Variants in SACM1L observed in about 807,000 individuals in gnomAD.
SACM1L encodes phosphatidylinositol-3-phosphatase SAC1.
Under a neutral mutation model 89.5 loss-of-function variants are expected in SACM1L, and 32 were observed. That is an observed-to-expected ratio of 0.36 (90% CI 0.27 to 0.48). The LOEUF is 0.48. SACM1L is among the 20% of genes least tolerant of loss of function. The pLI, the probability that SACM1L is intolerant of heterozygous loss-of-function variation, is 0.99. For synonymous variants in SACM1L, 213 were observed against 232.8 expected, an observed-to-expected ratio of 0.92 and a Z score of 0.77; for missense variants, 543 against 708.5, an observed-to-expected ratio of 0.77 and a Z score of 2.65.
chr3:45,714,342 A>G (rs1698598893), intron 7 of SACM1L, among the ~76,000 whole-genome samples: 1 of 150,884 alleles, frequency 6.6e-6, no homozygotes, highest in South Asian at 2.1e-4. Flanking sequence ...TGTGTACTGT[A>G]TTTTGCCTTT....
intron 13 of SACM1L, 33 bp downstream of exon 13, chr3:45,732,184 G>A: frequency 7.6e-7 from 1 of 1,314,218 alleles, no homozygotes; most frequent in Non-Finnish European, 1.1e-6. Flanking sequence ...GGAGGTAGAG[G>A]GAAGAGGTAT....
At chr3:45,692,901 TTATG>T (rs1212576925) in intron 1 of SACM1L, among the ~76,000 whole-genome samples, 1 of 152,220 alleles carries the variant, frequency 6.6e-6, no homozygotes, top group Admixed American at 6.5e-5. Context: ...AATGAAATCA[TTATG>T]TACACCGTTA....
intron 19 of SACM1L, chr3:45,743,009 T>A (rs947408717): frequency 6.6e-6 from 1 of 152,270 alleles, no homozygotes; most frequent in Non-Finnish European, 1.5e-5. Context: ...TATATTTGTG[T>A]ATATGCAAAA....
intron 4 of SACM1L, among the ~76,000 whole-genome samples, chr3:45,707,584 A>G (rs1698428346): frequency 6.6e-6 from 1 of 152,216 alleles, no homozygotes; most frequent in African/African-American, 2.4e-5. Context: ...TGCTGACACT[A>G]TTCACCATTC....
chr3:45,699,653 C>T lies in SACM1L; in HGVS notation c.33-3785C>T, dbSNP rs760053511. On this transcript the variant is annotated intron_variant, in intron 1 of 19. Coordinates refer to ENST00000389061, the MANE Select transcript of SACM1L (RefSeq NM_014016.5). ...GGCAATTCTCCTGCCTTAGCCTTAG[C>T]GGGGATTACAGGCATGCGCCACCAC... is the stretch of plus-strand genomic sequence containing the variant. 4.5e-4 allele frequency among the ~76,000 whole-genome samples: 68 copies of T among 152,076 alleles called. No individual in the cohort carries two copies. The Middle Eastern group carries it at 0.01, about 23-fold the overall frequency.
At chr3:45,698,271 A>G (rs969933601) in intron 1 of SACM1L, among the ~76,000 whole-genome samples, 2 of 152,186 alleles carry the variant, frequency 1.3e-5, no homozygotes, top group Non-Finnish European at 2.9e-5. Context: ...TTAGGATGAT[A>G]CCTGCTGTTA....
rs75966812 is a variant in SACM1L, at chr3:45,709,494, A to G, written c.334-4A>G. Reference sequence around the variant, plus strand: ...GAGCTATACTGATTTTTCTTTGTTTATAGTTACAAGATAATAAAACCTTCC... The same window carrying G: ...GAGCTATACTGATTTTTCTTTGTTTGTAGTTACAAGATAATAAAACCTTCC... On this transcript the variant is annotated splice_region_variant and splice_polypyrimidine_tract_variant and intron_variant, in intron 4 of 19. Transcript: ENST00000389061. The G allele has an allele frequency of 0.033, 52,377 of 1,598,440 alleles. 1,022 individuals carry two copies. Among genetic ancestry groups the G allele is most frequent in the Non-Finnish European group, 0.04 (47,072 of 1,173,490 alleles).
chr3:45,703,084 A>G (rs1031691112), intron 1 of SACM1L, among the ~76,000 whole-genome samples: 2 of 152,224 alleles, frequency 1.3e-5, no homozygotes, highest in Non-Finnish European at 2.9e-5. Context: ...ATCAGAGAGA[A>G]TGAGTAACTT....
chr3:45,713,814 A>G (rs1335119784), intron 6 of SACM1L: 1 of 266,060 alleles, frequency 3.8e-6, no homozygotes, highest in South Asian at 1.6e-4. Context: ...GGAGGTAAAC[A>G]TTCTGTAACT....
rs145343643 is a variant in SACM1L at position 45,725,685 on chromosome 3, T to C, written c.921+2142T>C. On this transcript the variant is annotated intron_variant, in intron 11 of 19. Coordinates refer to ENST00000389061, the MANE Select transcript of SACM1L (RefSeq NM_014016.5). ...TGCTTCCTTTCCAATTTGGATGCCC[T>C]TTTTTTTTTTCTTGCCTAATTGGTG... Among the ~76,000 whole-genome samples, 644 of 150,070 alleles carry C rather than the reference T, an allele frequency of 4.3e-3. 7 individuals carry two copies. The highest frequency in any genetic ancestry group is 0.015 in the African/African-American group (602 of 41,128).
chr3:45,735,383 C>CTTTT lies in SACM1L; in HGVS notation c.1239+20_1239+23dup. The CTTTT allele has an allele frequency of 7.8e-7, 1 of 1,288,928 alleles. No individual in the cohort carries two copies. 79.8% of individuals were successfully genotyped at this position (1,288,928 alleles called of 1,614,324 possible). On this transcript the variant is annotated intron_variant, in intron 14 of 19. Transcript: ENST00000389061. ...TCAGGCCCAACTTCAGGTGCGAATG[C>CTTTT]TTTTTTTTTTTTTAATTGAAAAACA...
intron 13 of SACM1L, among the ~76,000 whole-genome samples, chr3:45,733,586 G>T (rs1699126042): frequency 6.6e-6 from 1 of 152,174 alleles, no homozygotes; most frequent in South Asian, 2.1e-4. Context: ...ATTCTTCCAC[G>T]CTTTTGTTCC....
At chr3:45,698,394 A>G (rs557239071) in intron 1 of SACM1L, among the ~76,000 whole-genome samples, 1 of 152,188 alleles carries the variant, frequency 6.6e-6, no homozygotes, top group Non-Finnish European at 1.5e-5. Flanking sequence ...TAGAGATACC[A>G]CTTTCAGTGA....
chr3:45,724,272 A>C (rs1435479569), intron 11 of SACM1L, among the ~76,000 whole-genome samples: 1 of 149,198 alleles, frequency 6.7e-6, no homozygotes, highest in Non-Finnish European at 1.5e-5. Flanking sequence ...GTTTCTTCAT[A>C]TCCTTGCTGA....
At chr3:45,716,729 G>A (rs563462291) in intron 7 of SACM1L, among the ~76,000 whole-genome samples, 3 of 152,066 alleles carry the variant, frequency 2.0e-5, no homozygotes, top group Non-Finnish European at 4.4e-5. Flanking sequence ...GAGAAATGTT[G>A]CATGTTGAGG....
chr3:45,691,089 A>G (rs1352390751), intron 1 of SACM1L, among the ~76,000 whole-genome samples: 2 of 152,232 alleles, frequency 1.3e-5, no homozygotes, highest in Non-Finnish European at 2.9e-5. Context: ...TACATAAAAG[A>G]GAAAGGAAAT....
Position 45,705,180 on chromosome 3 carries a change from G to C in SACM1L, c.176G>C (p.Gly59Ala). The C allele has an allele frequency of 1.9e-6, 3 of 1,611,234 alleles. No homozygotes were observed. Among genetic ancestry groups the C allele is most frequent in the Non-Finnish European group, 2.5e-6 (3 of 1,178,018 alleles). ...TCAGCTGTCACAAGACCAATATTTG[G>C]TATACTGGGCACAATCCATCTGGTG... ...PPSAVTRPIFGILGTIHLVAG... is the reference protein window; with the variant it reads ...PPSAVTRPIFAILGTIHLVAG... The change falls in exon 3 of 20, where the codon GGT becomes GCT. Residue 59 changes from glycine (G) to alanine (A), a missense_variant. Around this residue, in one of 2 missense-constraint regions of SACM1L, gnomAD observed 173 missense variants for 180.9 expected, o/e 0.96. Transcript: ENST00000389061.
chr3:45,708,437 TTA>T (rs1698448299), intron 4 of SACM1L, among the ~76,000 whole-genome samples: 1 of 152,098 alleles, frequency 6.6e-6, no homozygotes, highest in Non-Finnish European at 1.5e-5. Flanking sequence ...TACACCCAAT[TTA>T]TAAGAATGTT....
At chr3:45,692,900 A>G (rs1698029906) in intron 1 of SACM1L, among the ~76,000 whole-genome samples, 1 of 152,224 alleles carries the variant, frequency 6.6e-6, no homozygotes, top group Non-Finnish European at 1.5e-5. Flanking sequence ...AAATGAAATC[A>G]TTATGTACAC....
Sources: gnomAD v4.1 joint callset for allele counts (sites outside exome capture counted in the v4.1 genomes callset) on GRCh38, gnomAD v4.1.1 for gene constraint, gnomAD v4.1.1 regional missense constraint, MANE v1.5 for transcripts, NCBI Gene and HGNC (gene_info 2026-07-23, HGNC 2026-07-21) for gene names.